PTPRG: variants seen among roughly 807,000 people sequenced by gnomAD.
PTPRG encodes the protein receptor-type tyrosine-protein phosphatase gamma.
Under a neutral mutation model 165.3 loss-of-function variants are expected in PTPRG, and 102 were observed. The ratio of observed to expected loss-of-function variants is 0.62; its 90% confidence interval spans 0.53 to 0.73. The LOEUF is 0.73. Among genes scored for constraint, PTPRG ranks in the 30% least tolerant of loss-of-function variants. PTPRG has a pLI of 0.00. For missense variants in PTPRG, 1,866 were observed against 1,861.4 expected, an observed-to-expected ratio of 1.00 and a Z score of -0.05; for synonymous variants, 675 against 669.5, an observed-to-expected ratio of 1.01 and a Z score of -0.13.
intron 14 of PTPRG, among the ~76,000 whole-genome samples, chr3:62,238,318 C>T (rs1335981963): frequency 6.6e-6 from 1 of 152,056 alleles, no homozygotes; most frequent in Non-Finnish European, 1.5e-5. Context: ...TCATGTAAGT[C>T]CCTCTATCTT....
chr3:61,581,135 T>A (rs1433705550), intron 1 of PTPRG, among the ~76,000 whole-genome samples: 1 of 152,196 alleles, frequency 6.6e-6, no homozygotes, highest in African/African-American at 2.4e-5. Flanking sequence ...ATTTTAAACT[T>A]CTCTGGAGGT....
intron 2 of PTPRG, among the ~76,000 whole-genome samples, chr3:61,843,633 A>G (rs1287984930): frequency 6.6e-6 from 1 of 152,198 alleles, no homozygotes; most frequent in Non-Finnish European, 1.5e-5. Flanking sequence ...GTTTATCCCT[A>G]AGGCAATTTT....
chr3:61,870,100 A>G (rs73839763), intron 2 of PTPRG, among the ~76,000 whole-genome samples: 5,101 of 152,200 alleles, frequency 0.034, 324 homozygotes, highest in African/African-American at 0.12. Flanking sequence ...GTTTCAAGAT[A>G]TGAATTGTGG....
At chr3:61,625,869 T>C (rs1379691837) in intron 1 of PTPRG, among the ~76,000 whole-genome samples, 1 of 152,234 alleles carries the variant, frequency 6.6e-6, no homozygotes, top group East Asian at 1.9e-4. Flanking sequence ...ACTTACTCCA[T>C]TTAAACTTGA....
intron 5 of PTPRG, among the ~76,000 whole-genome samples, chr3:62,099,394 T>C (rs1702214292): frequency 6.6e-6 from 1 of 152,158 alleles, no homozygotes; most frequent in Non-Finnish European, 1.5e-5. Flanking sequence ...GTTCAAATAC[T>C]AGAAAAGTTG....
chr3:61,916,614 T>C (rs1434972350), intron 2 of PTPRG, among the ~76,000 whole-genome samples: 1 of 152,210 alleles, frequency 6.6e-6, no homozygotes, highest in Non-Finnish European at 1.5e-5. Context: ...TCTCTTTAAA[T>C]CTGTTATTGT....
intron 1 of PTPRG, among the ~76,000 whole-genome samples, chr3:61,734,888 A>G (rs2032658487): frequency 1.3e-5 from 2 of 152,164 alleles, no homozygotes; most frequent in Non-Finnish European, 1.5e-5. Context: ...CTGAACTGAA[A>G]CTTTCAATTT....
At chr3:61,996,430 T>C (rs2041041134) in intron 3 of PTPRG, among the ~76,000 whole-genome samples, 1 of 152,196 alleles carries the variant, frequency 6.6e-6, no homozygotes, top group Non-Finnish European at 1.5e-5. Context: ...CAACAGTTGC[T>C]TTTTTACTCT....
intron 2 of PTPRG, 27 bp from the exon 3 acceptor site, chr3:61,989,598 G>A (rs990143931): frequency 2.5e-6 from 4 of 1,606,508 alleles, no homozygotes; most frequent in Non-Finnish European, 3.4e-6. Flanking sequence ...GAACCATGAG[G>A]ATTGAAGTGT....
intron 5 of PTPRG, among the ~76,000 whole-genome samples, chr3:62,125,008 C>T (rs1559538263): frequency 6.6e-6 from 1 of 152,142 alleles, no homozygotes; most frequent in African/African-American, 2.4e-5. Flanking sequence ...GAGCCCATCA[C>T]AGTCTGCAGT....
intron 1 of PTPRG, among the ~76,000 whole-genome samples, chr3:61,728,892 A>G (rs1375807241): frequency 1.3e-5 from 2 of 148,928 alleles, no homozygotes; most frequent in Admixed American, 6.7e-5. Context: ...AAAAAAAAAA[A>G]GAAAGAAAGA....
At chr3:61,826,489 C>G (rs1373078275) in intron 2 of PTPRG, among the ~76,000 whole-genome samples, 1 of 151,736 alleles carries the variant, frequency 6.6e-6, no homozygotes, top group Admixed American at 6.6e-5. Flanking sequence ...CTTGGAGTCA[C>G]CCAGTCCTTT....
At chr3:61,841,045 G>A (rs570386070) in intron 2 of PTPRG, among the ~76,000 whole-genome samples, 2 of 152,236 alleles carry the variant, frequency 1.3e-5, no homozygotes, top group South Asian at 4.1e-4. Context: ...GCCTCCCAAA[G>A]TGCTGGGATT....
intron 1 of PTPRG, among the ~76,000 whole-genome samples, chr3:61,581,506 G>C (rs1013750900): frequency 7.2e-5 from 11 of 152,172 alleles, no homozygotes; most frequent in African/African-American, 2.7e-4. Flanking sequence ...GTCTTCTGTG[G>C]TGTTAGGTTT....
At position 62,233,925 on chromosome 3, in the gene PTPRG, A is replaced by T. The variant is rs369360188; in HGVS notation, c.2375+2614A>T. On this transcript the variant is annotated intron_variant, in intron 14 of 29. Transcript: ENST00000474889. This position sits in a 1 kb window ranked among gnomAD's most constrained non-coding sequence, Gnocchi z 4.7. ...ATTCAAAATAAAAAAGTTTAAAATT[A>T]TATGCACCACTAAATTACCATCCCA... Among the ~76,000 whole-genome samples the T allele has an allele frequency of 2.0e-5, 3 of 152,336 alleles. No homozygotes were observed. The highest frequency in any genetic ancestry group is 7.2e-5 in the African/African-American group (3 of 41,578).
intron 1 of PTPRG, among the ~76,000 whole-genome samples, chr3:61,585,431 G>A (rs1700411113): frequency 6.6e-6 from 1 of 152,072 alleles, no homozygotes; most frequent in African/African-American, 2.4e-5. Context: ...GCCATTGGGT[G>A]GGTTGTTGAT....
rs147017990 is a variant in PTPRG at position 62,012,391 on chromosome 3, C to T, written c.519+8894C>T. Among the ~76,000 whole-genome samples, 129 of 152,250 alleles carry T rather than the reference C, an allele frequency of 8.5e-4. No homozygotes were observed. In the East Asian group the frequency reaches 0.019, roughly 22 times the overall value. On this transcript the variant is annotated intron_variant, in intron 4 of 29. Transcript: ENST00000474889. ...ATGCAGTAGGTAGAAGTCATTTTTT[C>T]AGAATCTTAACTGTTGCTTATTGTA...
intron 2 of PTPRG, among the ~76,000 whole-genome samples, chr3:61,923,148 G>C (rs1005403038): frequency 1.3e-5 from 2 of 152,136 alleles, no homozygotes. Flanking sequence ...TTAAGTTAAT[G>C]CTGTGACATA....
At chr3:62,276,268 G>A (rs530214553) in intron 24 of PTPRG, among the ~76,000 whole-genome samples, 1 of 152,234 alleles carries the variant, frequency 6.6e-6, no homozygotes, top group Non-Finnish European at 1.5e-5. Context: ...GTAGAATACA[G>A]CTTCATTTCA....
Sources: allele counts gnomAD v4.1 joint callset (sites outside exome capture counted in the v4.1 genomes callset), GRCh38; gene constraint gnomAD v4.1.1; non-coding constraint Gnocchi (gnomAD v3.1); transcripts MANE v1.5; gene names NCBI Gene and HGNC (gene_info 2026-07-23, HGNC 2026-07-21).